NFRKB: variants seen among roughly 807,000 people sequenced by gnomAD.
The protein encoded by NFRKB is nuclear factor related to kappaB binding protein.
NFRKB carries 62 observed loss-of-function variants against 135.7 expected under a neutral mutation model. The observed-to-expected ratio is 0.46, with a 90% CI of 0.37 to 0.56. The LOEUF is 0.56. Among genes scored for constraint, NFRKB ranks in the 20% least tolerant of loss-of-function variants. The pLI is 0.00. For missense variants in NFRKB, 1,545 were observed against 1,662.0 expected (o/e 0.93, Z 1.22); for synonymous variants, 678 against 635.6 (o/e 1.07, Z -1.00).
chr11:129,869,580 C>G lies in NFRKB; in HGVS notation c.3445G>C (p.Ala1149Pro). ...SKTVAVASGA[A>P]STPISISTGA... ...GTGCTGATGCTGATGGGGGTGCTTG[C>G]AGCCCCAGAAGCCACAGCTACAGTC... The change falls in exon 24 of 27, where the codon GCA becomes CCA. Residue 1149 changes from alanine (A) to proline (P), a missense_variant. Ala to Pro is a conservative substitution (Grantham distance 27, BLOSUM62 -1). This residue lies in a region of NFRKB where 753 missense variants were observed against 804.3 expected (regional missense o/e 0.94). Transcript: ENST00000682444. The G allele has an allele frequency of 1.2e-6, 2 of 1,614,202 alleles. No homozygotes were observed. Among genetic ancestry groups the G allele is most frequent in the Non-Finnish European group, 1.7e-6 (2 of 1,180,046 alleles).
intron 24 of NFRKB, among the ~76,000 whole-genome samples, chr11:129,869,154 A>G (rs1028148123): frequency 6.6e-6 from 1 of 152,348 alleles, no homozygotes; most frequent in East Asian, 1.9e-4. Flanking sequence ...ACCAACAGCA[A>G]TTAGTCTTCA....
At chr11:129,881,211 C>T (rs1949010373) in intron 13 of NFRKB, among the ~76,000 whole-genome samples, 1 of 152,196 alleles carries the variant, frequency 6.6e-6, no homozygotes, top group Non-Finnish European at 1.5e-5. Context: ...CAGACTACAT[C>T]ATACAGAAAG....
intron 4 of NFRKB, among the ~76,000 whole-genome samples, chr11:129,887,522 C>T (rs1357802354): frequency 2.0e-5 from 3 of 152,152 alleles, no homozygotes; most frequent in Admixed American, 6.5e-5. Context: ...CCCAATCTAA[C>T]CATGAGAAAA....
chr11:129,865,785 C>T, intron 25 of NFRKB, 92 bp downstream of exon 25: 1 of 1,102,920 alleles, frequency 9.1e-7, no homozygotes, highest in Non-Finnish European at 1.4e-6. Flanking sequence ...CCAGAAAGAC[C>T]AGCCACTTTG....
At chr11:129,886,799 A>C (rs7948511) in intron 4 of NFRKB, among the ~76,000 whole-genome samples, 85,996 of 151,938 alleles carry the variant, frequency 0.57, 24,450 homozygotes, top group Middle Eastern at 0.62. Context: ...CATGCCAGCA[A>C]AAGAGACAGT....
intron 23 of NFRKB, chr11:129,872,471 T>C (rs1948560275): frequency 6.2e-6 from 1 of 160,784 alleles, no homozygotes; most frequent in African/African-American, 2.4e-5. Context: ...CCTATCAGTA[T>C]TAGTTGCTAT....
At chr11:129,895,218 C>G (rs1007858819) in intron 1 of NFRKB, among the ~76,000 whole-genome samples, 1 of 152,208 alleles carries the variant, frequency 6.6e-6, no homozygotes, top group Non-Finnish European at 1.5e-5. Context: ...ACCGCCGGCT[C>G]CAAAGCCCTC....
intron 23 of NFRKB, chr11:129,872,472 T>A (rs1948560451): frequency 6.2e-6 from 1 of 160,956 alleles, no homozygotes; most frequent in East Asian, 1.8e-4. Context: ...CTATCAGTAT[T>A]AGTTGCTATA....
At position 129,864,473 on chromosome 11, in the gene NFRKB, C is replaced by A. The variant is rs530000390; in HGVS notation, c.*252G>T. The stretch of plus-strand genomic sequence containing the variant: ...TGTTGGACGTAACTGGTAATTCCTG[C>A]AATTTCAACAGAATATTCTCCTAGA... On this transcript the variant is annotated 3_prime_UTR_variant, in exon 27 of 27. Coordinates refer to ENST00000682444, the MANE Select transcript of NFRKB (RefSeq NM_001143835.2). 358 of 437,154 alleles carry A rather than the reference C, an allele frequency of 8.2e-4. 1 individual carries two copies. The highest frequency in any genetic ancestry group is 6.0e-3 in the African/African-American group (305 of 50,756). 27.1% of individuals were successfully genotyped at this position (437,154 alleles called of 1,614,324 possible). A position where few individuals can be genotyped will look rare whatever the true frequency, so the allele number is the denominator to read the frequency against.
At chr11:129,889,735 G>A (rs1949450846) in intron 3 of NFRKB, among the ~76,000 whole-genome samples, 1 of 151,532 alleles carries the variant, frequency 6.6e-6, no homozygotes, top group Non-Finnish European at 1.5e-5. Context: ...ACAGGAGAGG[G>A]ATGAGGAAAG....
At chr11:129,876,663 A>G in intron 17 of NFRKB, 58 bp downstream of exon 17, 1 of 1,568,692 alleles carries the variant, frequency 6.4e-7, no homozygotes, top group Non-Finnish European at 8.7e-7. Flanking sequence ...CAGAGTTGGT[A>G]AGAGAAAAGC....
intron 9 of NFRKB, among the ~76,000 whole-genome samples, chr11:129,882,839 AG>A (rs1476563490): frequency 6.6e-6 from 1 of 152,108 alleles, no homozygotes; most frequent in Non-Finnish European, 1.5e-5. Flanking sequence ...GCTGGAGTGC[AG>A]TGGTGCGATC....
At position 129,882,071 on chromosome 11, in the gene NFRKB, T is replaced by C. The variant is rs770396625; in HGVS notation, c.1191+15A>G. 1.3e-6 allele frequency: 2 copies of C among 1,587,192 alleles called. No individual in the cohort carries two copies. Among genetic ancestry groups the C allele is most frequent in the African/African-American group, 2.7e-5 (2 of 73,128 alleles). On this transcript the variant is annotated intron_variant, in intron 11 of 26. Transcript: ENST00000682444. Reference sequence around the variant, plus strand: ...GAAAACTCTAATGTACCTCCAACTTTTCCAAAACGCTTACCATAGGAAGGC... The same window carrying C: ...GAAAACTCTAATGTACCTCCAACTTCTCCAAAACGCTTACCATAGGAAGGC...
intron 26 of NFRKB, 27 bp from the exon 27 acceptor site, chr11:129,864,877 C>T: frequency 6.2e-7 from 1 of 1,614,006 alleles, no homozygotes; most frequent in South Asian, 1.1e-5. Flanking sequence ...AAGGTCAGGT[C>T]AATGGATTGC....
chr11:129,869,793 C>T lies in NFRKB; in HGVS notation c.3232G>A (p.Ala1078Thr), dbSNP rs1425383235. The T allele has an allele frequency of 8.1e-6, 13 of 1,614,250 alleles. No individual in the cohort carries two copies. The highest frequency in any genetic ancestry group is 1.3e-5 in the African/African-American group (1 of 75,064). The change falls in exon 24 of 27, where the codon GCC (alanine) becomes ACC (threonine). Residue 1078 changes from alanine (A) to threonine (T), a missense_variant. Ala to Thr is a moderately conservative substitution (Grantham distance 58). Coordinates refer to ENST00000682444, the MANE Select transcript of NFRKB (RefSeq NM_001143835.2). ...GCAGCTGGTTTTGCTTCTGAAGAGGCCACTGTGCTTTTTCCCTTCTGGTCA... is the reference window on the plus strand; with the variant it reads ...GCAGCTGGTTTTGCTTCTGAAGAGGTCACTGTGCTTTTTCCCTTCTGGTCA... ...VADQKGKSTV[A>T]SSEAKPAATI...
chr11:129,866,461 T>G (rs539614703), intron 24 of NFRKB, among the ~76,000 whole-genome samples: 2 of 151,256 alleles, frequency 1.3e-5, no homozygotes, highest in East Asian at 3.9e-4. Flanking sequence ...CTCATTGGAG[T>G]GCAGGGCCAC....
intron 3 of NFRKB, among the ~76,000 whole-genome samples, chr11:129,889,951 C>CGTGTGT (rs56216860): frequency 0.14 from 18,299 of 135,126 alleles, 1,296 homozygotes; most frequent in African/African-American, 0.17. Context: ...TATTGTCTTA[C>CGTGTGT]GTGTGTGTGT....
chr11:129,892,977 C>G (rs761411610), intron 2 of NFRKB, 107 bp from the exon 3 acceptor site: 30 of 1,567,412 alleles, frequency 1.9e-5, no homozygotes, highest in Non-Finnish European at 2.6e-5. Flanking sequence ...GTTCTTACAC[C>G]TTATCCTTGC....
In NFRKB at chr11:129,871,616, G is replaced by A. The variant is rs553709772; in HGVS notation, c.2763+1268C>T. The stretch of plus-strand genomic sequence containing the variant: ...CCCCTACTCAAGCCACCAGCAAACC[G>A]CACTGGCTCCCACTTCAACCACATC... On this transcript the variant is annotated intron_variant, in intron 23 of 26. Coordinates refer to ENST00000682444, the MANE Select transcript of NFRKB (RefSeq NM_001143835.2). Among the ~76,000 whole-genome samples, 14 of 152,064 alleles carry A rather than the reference G, an allele frequency of 9.2e-5. No homozygotes were observed. In the South Asian group the frequency reaches 1.7e-3, roughly 18 times the overall value.
Sources: allele counts gnomAD v4.1 joint callset (sites outside exome capture counted in the v4.1 genomes callset), GRCh38; gene constraint gnomAD v4.1.1; regional missense constraint gnomAD v4.1.1; transcripts MANE v1.5; gene names NCBI Gene and HGNC (gene_info 2026-07-23, HGNC 2026-07-21).